Variants in CORIN observed in about 807,000 individuals in gnomAD.
CORIN encodes the protein atrial natriuretic peptide-converting enzyme.
In CORIN, 117 loss-of-function variants were observed where a neutral mutation model predicts 125.3. The ratio of observed to expected loss-of-function variants is 0.93; its 90% CI spans 0.80 to 1.09. The LOEUF is 1.09. Among genes scored for constraint, CORIN ranks in the 50% least tolerant of loss-of-function variants. CORIN has a pLI of 0.00. For synonymous variants in CORIN, 450 were observed against 466.4 expected, an observed-to-expected ratio of 0.96 and a Z score of 0.45; for missense variants, 1,253 against 1,306.7, an observed-to-expected ratio of 0.96 and a Z score of 0.63.
At chr4:47,783,418 G>C (rs115345658) in intron 3 of CORIN, among the ~76,000 whole-genome samples, 171 of 152,018 alleles carry the variant, frequency 1.1e-3, no homozygotes, top group African/African-American at 3.9e-3. Flanking sequence ...GTGTAATATG[G>C]GGGTATTCTG....
At chr4:47,814,699 T>C (rs1732193963) in intron 1 of CORIN, among the ~76,000 whole-genome samples, 1 of 152,144 alleles carries the variant, frequency 6.6e-6, no homozygotes, top group Admixed American at 6.6e-5. Context: ...CCAGGAAGCA[T>C]AAAGAACACG....
chr4:47,619,332 A>C (rs1722208909), intron 19 of CORIN, among the ~76,000 whole-genome samples: 4 of 152,200 alleles, frequency 2.6e-5, no homozygotes, highest in Admixed American at 2.6e-4. Flanking sequence ...ATACCCACCA[A>C]TGGGTCACTC....
intron 12 of CORIN, among the ~76,000 whole-genome samples, chr4:47,659,620 C>A (rs543438465): frequency 6.6e-6 from 1 of 152,084 alleles, no homozygotes; most frequent in South Asian, 2.1e-4. Context: ...GTCATGTGAA[C>A]GCAGAGCAAG....
intron 5 of CORIN, chr4:47,706,797 T>A: frequency 6.3e-7 from 1 of 1,598,084 alleles, no homozygotes; most frequent in East Asian, 2.2e-5. Flanking sequence ...CATAAAGCTA[T>A]CAGAAGAAAT....
chr4:47,710,940 A>G (rs1375492976), intron 5 of CORIN, among the ~76,000 whole-genome samples: 2 of 152,230 alleles, frequency 1.3e-5, no homozygotes, highest in Non-Finnish European at 2.9e-5. Context: ...AGGCAGTGAC[A>G]ACAGAGCATT....
At chr4:47,604,532 G>A (rs1431048052) in intron 19 of CORIN, among the ~76,000 whole-genome samples, 2 of 152,290 alleles carry the variant, frequency 1.3e-5, no homozygotes, top group East Asian at 3.9e-4. Flanking sequence ...GGCTTACCAT[G>A]TATGCCACAG....
At chr4:47,627,084 G>T (rs1273630261) in intron 16 of CORIN, among the ~76,000 whole-genome samples, 1 of 151,820 alleles carries the variant, frequency 6.6e-6, no homozygotes, top group Admixed American at 6.6e-5. Context: ...CAGGGTTCAA[G>T]TGCTTCTCCT....
chr4:47,749,167 C>T (rs913844932), intron 4 of CORIN, among the ~76,000 whole-genome samples: 2 of 151,976 alleles, frequency 1.3e-5, no homozygotes, highest in African/African-American at 2.4e-5. Flanking sequence ...TAAGATGGCC[C>T]GCAATGATCT....
chr4:47,807,140 T>C, intron 1 of CORIN, 93 bp from the exon 2 acceptor site: 1 of 937,812 alleles, frequency 1.1e-6, no homozygotes, highest in Admixed American at 2.8e-5. Context: ...AACAGCACAT[T>C]CCAAAAAGAT....
intron 1 of CORIN, among the ~76,000 whole-genome samples, chr4:47,819,521 G>A (rs749488180): frequency 1.3e-5 from 2 of 152,174 alleles, no homozygotes; most frequent in Non-Finnish European, 2.9e-5. Context: ...TTTACGAGGA[G>A]TAATAAAGGC....
rs146502771 is a variant in CORIN at position 47,793,026 on chromosome 4, CCTG to C, written c.209-6104_209-6102del. On this transcript the variant is annotated intron_variant, in intron 2 of 21. Coordinates refer to ENST00000273857, the MANE Select transcript of CORIN (RefSeq NM_006587.4). ...AGAATGAAAAATAGATTTGTAGAAG[CCTG>C]TTGTTGTTGTTGTTGTTGTTGTTAC... is the stretch of plus-strand genomic sequence containing the variant. Among the ~76,000 whole-genome samples the C allele has an allele frequency of 9.8e-3, 1,495 of 152,078 alleles. 29 individuals are homozygous for C. Among genetic ancestry groups the C allele is most frequent in the African/African-American group, 0.034 (1,401 of 41,472 alleles).
chr4:47,770,155 T>C (rs542170079), intron 3 of CORIN, among the ~76,000 whole-genome samples: 1 of 152,206 alleles, frequency 6.6e-6, no homozygotes, highest in African/African-American at 2.4e-5. Context: ...TTTTATTTAG[T>C]AGTTAGGAAA....
At chr4:47,689,293 A>AT (rs942563072) in intron 6 of CORIN, among the ~76,000 whole-genome samples, 3 of 152,182 alleles carry the variant, frequency 2.0e-5, no homozygotes, top group African/African-American at 7.2e-5. Context: ...ATTCTGAACA[A>AT]TTTGAGAGAT....
At chr4:47,805,148 A>ATAAT (rs1553919341) in intron 2 of CORIN, among the ~76,000 whole-genome samples, 64 of 129,146 alleles carry the variant, frequency 5.0e-4, no homozygotes, top group African/African-American at 1.8e-3. Context: ...AAAAAAAAAA[A>ATAAT]AATAATAATA....
At chr4:47,772,617 T>TTA (rs1730100035) in intron 3 of CORIN, among the ~76,000 whole-genome samples, 1 of 152,222 alleles carries the variant, frequency 6.6e-6, no homozygotes, top group South Asian at 2.1e-4. Flanking sequence ...GGCTACTATT[T>TTA]TATATTTCTG....
At chr4:47,819,907 C>G (rs951000278) in intron 1 of CORIN, among the ~76,000 whole-genome samples, 8 of 152,288 alleles carry the variant, frequency 5.3e-5, no homozygotes, top group Non-Finnish European at 1.2e-4. Flanking sequence ...CTATAATCAT[C>G]AGAATGCTAC....
intron 11 of CORIN, among the ~76,000 whole-genome samples, chr4:47,662,693 A>C (rs1379088835): frequency 6.6e-6 from 1 of 152,126 alleles, no homozygotes; most frequent in Non-Finnish European, 1.5e-5. Flanking sequence ...ATAAACTCTT[A>C]CTTATCAAAA....
At chr4:47,818,613 G>A (rs1323584382) in intron 1 of CORIN, among the ~76,000 whole-genome samples, 1 of 152,182 alleles carries the variant, frequency 6.6e-6, no homozygotes, top group East Asian at 1.9e-4. Context: ...GCTCACACCT[G>A]TAATCCCAGC....
At chr4:47,678,141 G>A in intron 8 of CORIN, 87 bp from the exon 9 acceptor site, 1 of 895,572 alleles carries the variant, frequency 1.1e-6, no homozygotes, top group Non-Finnish European at 1.9e-6. Context: ...CATTTATCAA[G>A]CATCGCTAAG....
Sources: gnomAD v4.1 joint callset for allele counts (sites outside exome capture counted in the v4.1 genomes callset) on GRCh38, gnomAD v4.1.1 for gene constraint, MANE v1.5 for transcripts, NCBI Gene and HGNC (gene_info 2026-07-23, HGNC 2026-07-21) for gene names.